The following PTPN12 variants were observed in gnomAD, a reference collection of about 807,000 sequenced individuals.
PTPN12 encodes the protein tyrosine-protein phosphatase non-receptor type 12.
In PTPN12, 29 loss-of-function variants were observed where a neutral mutation model predicts 97.6. The ratio of observed to expected loss-of-function variants is 0.30; its 90% confidence interval spans 0.22 to 0.41. The LOEUF is 0.41. PTPN12 is among the 10% of genes least tolerant of loss of function. The pLI is 1.00. For synonymous variants in PTPN12, 327 were observed against 300.4 expected (o/e 1.09, Z -0.91); for missense variants, 819 against 926.0 (o/e 0.88, Z 1.50).
At chr7:77,567,002 T>A (rs1025000455) in intron 1 of PTPN12, among the ~76,000 whole-genome samples, 1 of 152,028 alleles carries the variant, frequency 6.6e-6, no homozygotes, top group Admixed American at 6.5e-5. Flanking sequence ...TAAGGTTTCT[T>A]AGTATATTAT....
At chr7:77,551,946 G>A (rs981751469) in intron 1 of PTPN12, among the ~76,000 whole-genome samples, 1 of 152,172 alleles carries the variant, frequency 6.6e-6, no homozygotes, top group Non-Finnish European at 1.5e-5. Flanking sequence ...CCCCTTGTAT[G>A]AATGCCAAGG....
chr7:77,605,282 T>G (rs7811175), intron 8 of PTPN12, among the ~76,000 whole-genome samples: 29,940 of 151,968 alleles, frequency 0.2, 3,611 homozygotes, highest in African/African-American at 0.34. Flanking sequence ...TTTGTGGGGG[T>G]TTTTGCCAAA....
Position 77,618,160 on chromosome 7 carries a change from C to T in PTPN12, c.940-320C>T, listed in dbSNP as rs577972344. Among the ~76,000 whole-genome samples, 54 of 151,404 alleles carry T rather than the reference C, an allele frequency of 3.6e-4. 1 individual carries two copies. The South Asian group carries it at 0.01, about 29-fold the overall frequency. The stretch of plus-strand genomic sequence containing the variant: ...GTTCCTAGTGGTAGTGATGGCGGGG[C>T]GGGGGGATACTACGTTCTTTAATCC... On this transcript the variant is annotated intron_variant, in intron 11 of 17. Transcript: ENST00000248594.
intron 1 of PTPN12, among the ~76,000 whole-genome samples, chr7:77,544,151 TC>T (rs897355588): frequency 6.6e-6 from 1 of 152,228 alleles, no homozygotes; most frequent in African/African-American, 2.4e-5. Flanking sequence ...GGGTTCCAGT[TC>T]CTCTACATCT....
intron 4 of PTPN12, among the ~76,000 whole-genome samples, chr7:77,584,365 T>A (rs1418686714): frequency 6.6e-6 from 1 of 152,200 alleles, no homozygotes; most frequent in African/African-American, 2.4e-5. Context: ...TTATTTATAT[T>A]TGCTGTACTT....
intron 1 of PTPN12, among the ~76,000 whole-genome samples, chr7:77,566,087 G>C (rs1808243755): frequency 6.6e-6 from 1 of 152,142 alleles, no homozygotes; most frequent in South Asian, 2.1e-4. Flanking sequence ...CCTTCAAAAA[G>C]GAAATAACAC....
chr7:77,608,912 T>C (rs116991747), intron 9 of PTPN12, among the ~76,000 whole-genome samples: 2,798 of 152,234 alleles, frequency 0.018, 34 homozygotes, highest in Middle Eastern at 0.071. Context: ...AAACAAACAT[T>C]TGGTCATTTT....
At chr7:77,578,849 C>G (rs867338576) in intron 2 of PTPN12, among the ~76,000 whole-genome samples, 1 of 152,022 alleles carries the variant, frequency 6.6e-6, no homozygotes. Context: ...AATCTGAAAG[C>G]GTCTAACCTC....
At position 77,610,948 on chromosome 7, in the gene PTPN12, G is replaced by A; in HGVS notation, c.841G>A (p.Glu281Lys). The change falls in exon 11 of 18, where the codon GAG becomes AAG. Residue 281 changes from glutamate (E) to lysine (K), a missense_variant and splice_region_variant. Physicochemically the swap from Glu to Lys is moderately conservative, Grantham distance 56 (BLOSUM62 1). This residue lies in a region of PTPN12 where 42 missense variants were observed against 120.9 expected (regional missense o/e 0.35). Coordinates refer to ENST00000248594, the MANE Select transcript of PTPN12 (RefSeq NM_002835.4). ...TTTTAATCATTTTTCTCCTTCATAG[G>A]AGCAATATGAACTTGTTCATAGAGC... ...TQRHSAVQTK[E>K]QYELVHRAIA... The A allele has an allele frequency of 6.2e-7, 1 of 1,603,342 alleles. No individual in the cohort carries two copies. The highest frequency in any genetic ancestry group is 1.1e-5 in the South Asian group (1 of 88,634).
chr7:77,636,567 G>T (rs1789600618), intron 15 of PTPN12, among the ~76,000 whole-genome samples: 1 of 152,150 alleles, frequency 6.6e-6, no homozygotes, highest in Non-Finnish European at 1.5e-5. Flanking sequence ...GAGTGACAGA[G>T]TGAGACCCTG....
intron 1 of PTPN12, chr7:77,545,878 C>G (rs1807193446): frequency 6.6e-6 from 1 of 152,068 alleles, no homozygotes; most frequent in South Asian, 2.1e-4. Context: ...TCTTGCTTAT[C>G]TGTGGTTGTA....
intron 3 of PTPN12, among the ~76,000 whole-genome samples, chr7:77,582,109 TTTTG>T (rs1414488798): frequency 2.9e-5 from 4 of 139,382 alleles, no homozygotes; most frequent in African/African-American, 1.1e-4. Context: ...TTTTTTTTTT[TTTTG>T]AGACGGAGTC....
intron 5 of PTPN12, among the ~76,000 whole-genome samples, chr7:77,589,555 C>T (rs1415484720): frequency 3.3e-5 from 5 of 151,888 alleles, no homozygotes; most frequent in African/African-American, 4.8e-5. Context: ...TTAATTTTTT[C>T]AGTAAGCAAT....
In PTPN12 at chr7:77,635,761, A is replaced by G. The variant is rs149536749; in HGVS notation, c.2075-21A>G. The G allele has an allele frequency of 8.3e-5, 128 of 1,539,066 alleles. No individual in the cohort carries two copies. The Middle Eastern group carries it at 1.2e-3, about 15-fold the overall frequency. On this transcript the variant is annotated intron_variant, in intron 14 of 17. Transcript: ENST00000248594. ...TCAGAAATTCAAGGTGTTAATAACA[A>G]TAAGATTTCATTTTTCTCAGATACA...
intron 2 of PTPN12, among the ~76,000 whole-genome samples, chr7:77,575,373 G>T (rs551317021): frequency 6.6e-6 from 1 of 151,788 alleles, no homozygotes; most frequent in Non-Finnish European, 1.5e-5. Context: ...TCTCTCTCTC[G>T]TGTGTACACT....
intron 4 of PTPN12, 33 bp downstream of exon 4, chr7:77,583,683 G>A (rs1200590071): frequency 7.4e-7 from 1 of 1,350,356 alleles, no homozygotes; most frequent in Non-Finnish European, 1.0e-6. Flanking sequence ...TAAATTTTGA[G>A]AAATACTTAT....
chr7:77,587,634 C>G (rs1787734122), intron 5 of PTPN12, among the ~76,000 whole-genome samples: 1 of 152,334 alleles, frequency 6.6e-6, no homozygotes, highest in Admixed American at 6.5e-5. Context: ...GCATTAACCC[C>G]TAACAAGAGA....
At chr7:77,612,308 C>T (rs558551215) in intron 11 of PTPN12, among the ~76,000 whole-genome samples, 151 of 152,270 alleles carry the variant, frequency 9.9e-4, no homozygotes, top group Admixed American at 2.0e-3. Context: ...GTTCTTATTC[C>T]TTTATTAACA....
At chr7:77,587,384 A>AT (rs1787724782) in intron 5 of PTPN12, among the ~76,000 whole-genome samples, 1 of 139,614 alleles carries the variant, frequency 7.2e-6, no homozygotes, top group African/African-American at 2.6e-5. Flanking sequence ...TTTTGAAAGG[A>AT]ATTTTTTTTT....
Sources: allele counts gnomAD v4.1 joint callset (sites outside exome capture counted in the v4.1 genomes callset), GRCh38; gene constraint gnomAD v4.1.1; regional missense constraint gnomAD v4.1.1; transcripts MANE v1.5; gene names NCBI Gene and HGNC (gene_info 2026-07-23, HGNC 2026-07-21).